Variants in CSMD1 observed in about 807,000 individuals in gnomAD.
The protein encoded by CSMD1 is CUB and sushi domain-containing protein 1.
CSMD1 carries 213 observed loss-of-function variants against 417.5 expected under a neutral mutation model. That is an observed-to-expected ratio of 0.51 (90% CI 0.46 to 0.57). CSMD1 has a LOEUF of 0.57. CSMD1 is among the 20% of genes least tolerant of loss of function. The probability of loss-of-function intolerance (pLI) is 0.00; values close to 1 mark genes in which losing one functional copy is unlikely to be tolerated. For missense variants in CSMD1, 6,923 were observed against 4,529.7 expected (o/e 1.53, Z -15.17); for synonymous variants, 2,862 against 1,736.8 (o/e 1.65, Z -16.11).
chr8:4,914,835 G>C (rs1284953494), intron 1 of CSMD1, among the ~76,000 whole-genome samples: 1 of 152,118 alleles, frequency 6.6e-6, no homozygotes, highest in Non-Finnish European at 1.5e-5. Flanking sequence ...TGGACATCAG[G>C]GAGTTTCACC....
At chr8:3,529,373 C>T (rs918215541) in intron 10 of CSMD1, among the ~76,000 whole-genome samples, 21 of 152,052 alleles carry the variant, frequency 1.4e-4, no homozygotes, top group African/African-American at 5.1e-4. Flanking sequence ...AGAGTAACTC[C>T]CTCTTAAAAT....
At chr8:4,895,936 T>G (rs1804452124) in intron 1 of CSMD1, among the ~76,000 whole-genome samples, 1 of 152,114 alleles carries the variant, frequency 6.6e-6, no homozygotes, top group Admixed American at 6.5e-5. Context: ...ATTATTTTTT[T>G]GACATCATCC....
intron 10 of CSMD1, among the ~76,000 whole-genome samples, chr8:3,514,370 C>A (rs2117414631): frequency 6.6e-6 from 1 of 152,278 alleles, no homozygotes; most frequent in Admixed American, 6.5e-5. Context: ...TCAGGTACTG[C>A]ACACCTAGCA....
intron 3 of CSMD1, among the ~76,000 whole-genome samples, chr8:4,376,837 C>A (rs538155538): frequency 6.6e-6 from 1 of 152,244 alleles, no homozygotes; most frequent in Admixed American, 6.5e-5. Flanking sequence ...GTGATTTTGT[C>A]TTATTTGTAA....
chr8:3,455,121 G>T (rs6990862), intron 12 of CSMD1, among the ~76,000 whole-genome samples: 15,383 of 152,102 alleles, frequency 0.1, 1,393 homozygotes, highest in East Asian at 0.33. Context: ...TGAGGCTTGT[G>T]CATTCATCAG....
intron 54 of CSMD1, among the ~76,000 whole-genome samples, chr8:2,992,176 C>T (rs1033055270): frequency 4.6e-5 from 7 of 151,946 alleles, no homozygotes; most frequent in African/African-American, 1.7e-4. Context: ...CATGCACACA[C>T]ATGAACACAC....
intron 1 of CSMD1, among the ~76,000 whole-genome samples, chr8:4,992,900 A>T (rs1368960258): frequency 1.3e-5 from 2 of 152,192 alleles, no homozygotes. Flanking sequence ...GCATTCCCGC[A>T]GACACCCCCT....
intron 3 of CSMD1, among the ~76,000 whole-genome samples, chr8:4,174,879 C>A (rs78681423): frequency 1.1e-3 from 165 of 149,762 alleles, no homozygotes; most frequent in African/African-American, 4.0e-3. Flanking sequence ...TGTTAATGTA[C>A]ACTAGACATC....
chr8:4,614,014 A>C (rs1025487188), intron 2 of CSMD1, among the ~76,000 whole-genome samples: 1 of 152,170 alleles, frequency 6.6e-6, no homozygotes, highest in African/African-American at 2.4e-5. Context: ...TAAAAATTTT[A>C]GGACAAACAC....
chr8:3,286,927 G>A (rs1229584828), intron 25 of CSMD1, among the ~76,000 whole-genome samples: 7 of 152,144 alleles, frequency 4.6e-5, no homozygotes, highest in Middle Eastern at 3.4e-3. Flanking sequence ...GTATTGCTTA[G>A]GTTTTCTTCT....
At chr8:4,780,681 C>T (rs540867263) in intron 1 of CSMD1, among the ~76,000 whole-genome samples, 3 of 152,224 alleles carry the variant, frequency 2.0e-5, no homozygotes, top group East Asian at 1.9e-4. Flanking sequence ...GAGTGGTATA[C>T]ACTGCACCAT....
intron 7 of CSMD1, among the ~76,000 whole-genome samples, chr8:3,707,650 C>G (rs1318491996): frequency 6.6e-6 from 1 of 151,422 alleles, no homozygotes; most frequent in Non-Finnish European, 1.5e-5. Flanking sequence ...GGGAGCAAAA[C>G]CAGTGGAGAG....
In CSMD1 at chr8:3,219,380, G is replaced by C; in HGVS notation, c.4547C>G (p.Pro1516Arg). Residue 1516 changes from proline (P) to arginine (R), a missense_variant, in exon 29 of 70, where the codon CCC (proline) becomes CGC (arginine). Physicochemically the swap from Pro to Arg is moderately radical, Grantham distance 103 (BLOSUM62 -2). Coordinates refer to ENST00000635120, the MANE Select transcript of CSMD1 (RefSeq NM_033225.6). Reference sequence around the variant, plus strand: ...AGAGCCCTGGTAACTCCCAATGAGGGGGCTGTTGGAATCTTCCCCTTCATA... The same window carrying C: ...AGAGCCCTGGTAACTCCCAATGAGGCGGCTGTTGGAATCTTCCCCTTCATA... ...HIYEGEDSNS[P>R]LIGSYQGSQA... 4 of 1,567,418 alleles carry C rather than the reference G, an allele frequency of 2.6e-6. No homozygotes were observed. The highest frequency in any genetic ancestry group is 1.9e-5 in the Admixed American group (1 of 52,826).
At chr8:3,100,050 C>CTTCT (rs201575021) in intron 46 of CSMD1, among the ~76,000 whole-genome samples, 6 of 69,060 alleles carry the variant, frequency 8.7e-5, no homozygotes, top group African/African-American at 2.3e-4. Flanking sequence ...TGTTTTTTAA[C>CTTCT]TTGTTTGTTT....
At chr8:4,717,326 T>TATATATAC (rs1392557124) in intron 1 of CSMD1, among the ~76,000 whole-genome samples, 1 of 146,736 alleles carries the variant, frequency 6.8e-6, no homozygotes, top group Non-Finnish European at 1.5e-5. Flanking sequence ...TATATATATA[T>TATATATAC]ACACACACAC....
intron 3 of CSMD1, among the ~76,000 whole-genome samples, chr8:4,209,395 C>G (rs1241849813): frequency 6.6e-6 from 1 of 152,142 alleles, no homozygotes; most frequent in Non-Finnish European, 1.5e-5. Context: ...GCCGAAGACT[C>G]TCCAGGGTTC....
At chr8:4,961,399 CTT>C (rs1809473367) in intron 1 of CSMD1, among the ~76,000 whole-genome samples, 1 of 152,130 alleles carries the variant, frequency 6.6e-6, no homozygotes, top group African/African-American at 2.4e-5. Context: ...TTTGTCTCAA[CTT>C]CACTTTTCTC....
At chr8:2,943,516 C>T (rs146836911) in intron 68 of CSMD1, among the ~76,000 whole-genome samples, 20 of 152,262 alleles carry the variant, frequency 1.3e-4, no homozygotes, top group Non-Finnish European at 2.2e-4. Flanking sequence ...GCTTAAGCCA[C>T]CACACCTGAC....
chr8:4,263,474 C>G (rs145909168), intron 3 of CSMD1, among the ~76,000 whole-genome samples: 2 of 152,274 alleles, frequency 1.3e-5, no homozygotes, highest in South Asian at 4.1e-4. Context: ...TCCTTCCAAA[C>G]TAGTCCAAAT....
Sources: gnomAD v4.1 joint callset for allele counts (sites outside exome capture counted in the v4.1 genomes callset) on GRCh38, gnomAD v4.1.1 for gene constraint, MANE v1.5 for transcripts, NCBI Gene and HGNC (gene_info 2026-07-23, HGNC 2026-07-21) for gene names.